Variants in AJAP1 observed in about 807,000 individuals in gnomAD.
The protein encoded by AJAP1 is adherens junction-associated protein 1.
Under a neutral mutation model 35.0 loss-of-function variants are expected in AJAP1, and 5 were observed. That is an observed-to-expected ratio of 0.14 (90% confidence interval 0.07 to 0.30). The LOEUF is 0.30. AJAP1 is among the 10% of genes least tolerant of loss of function. The pLI, the probability that AJAP1 is intolerant of heterozygous loss-of-function variation, is 1.00. For missense variants in AJAP1, 586 were observed against 571.0 expected (o/e 1.03, Z -0.27); for synonymous variants, 284 against 249.3 (o/e 1.14, Z -1.31).
chr1:4,688,593 T>C (rs867295783), intron 1 of AJAP1, among the ~76,000 whole-genome samples: 7 of 151,792 alleles, frequency 4.6e-5, no homozygotes, highest in African/African-American at 1.5e-4. Context: ...GCCAATATGG[T>C]GAAACCCCAT....
At chr1:4,735,620 G>A in intron 2 of AJAP1, among the ~76,000 whole-genome samples, 1 of 152,152 alleles carries the variant, frequency 6.6e-6, no homozygotes, top group East Asian at 1.9e-4. Flanking sequence ...CTCCTCCCAG[G>A]CTGCCTGCTG....
chr1:4,757,657 C>T (rs16838479), intron 2 of AJAP1, among the ~76,000 whole-genome samples: 4,375 of 152,250 alleles, frequency 0.029, 157 homozygotes, highest in East Asian at 0.17. Context: ...GGTGCACTTG[C>T]ATGAGTATTT....
intron 1 of AJAP1, among the ~76,000 whole-genome samples, chr1:4,707,424 C>T (rs2100257036): frequency 6.6e-6 from 1 of 152,252 alleles, no homozygotes; most frequent in Non-Finnish European, 1.5e-5. Flanking sequence ...CCCATTACCC[C>T]TTCCCCAAGC....
At chr1:4,737,771 A>G (rs1640963343) in intron 2 of AJAP1, among the ~76,000 whole-genome samples, 1 of 152,308 alleles carries the variant, frequency 6.6e-6, no homozygotes, top group East Asian at 1.9e-4. Flanking sequence ...GTAGTGGTGC[A>G]TGCACCTGTG....
At chr1:4,726,767 A>G (rs1640670640) in intron 2 of AJAP1, among the ~76,000 whole-genome samples, 1 of 152,120 alleles carries the variant, frequency 6.6e-6, no homozygotes, top group African/African-American at 2.4e-5. Flanking sequence ...GAGAAACTGC[A>G]GCCGAGAGCC....
At position 4,783,469 on chromosome 1, in the gene AJAP1, GTGTATATATATATATATA is replaced by G. The variant is rs1379011921; in HGVS notation, c.*986_*1003del. 4.3e-4 allele frequency: 48 copies of G among 111,468 alleles called. 1 individual carries two copies. The highest frequency in any genetic ancestry group is 7.4e-4 in the African/African-American group (21 of 28,366). The allele number at this position is 111,468 out of a possible 1,614,324, so 6.9% of individuals were successfully genotyped here. ...GAATGCCAAGGTTTTATATATGTGT[GTGTATATATATATATATA>G]TATATATATATATATATATATATGT... On this transcript the variant is annotated 3_prime_UTR_variant, in exon 6 of 6. Coordinates refer to ENST00000378191, the MANE Select transcript of AJAP1 (RefSeq NM_018836.4).
chr1:4,766,143 A>G (rs1641679154), intron 2 of AJAP1, among the ~76,000 whole-genome samples: 1 of 152,234 alleles, frequency 6.6e-6, no homozygotes, highest in Admixed American at 6.5e-5. Context: ...AAACATGGCC[A>G]CTGCCTGTTT....
intron 1 of AJAP1, among the ~76,000 whole-genome samples, chr1:4,672,937 G>A (rs1639280087): frequency 6.6e-6 from 1 of 152,200 alleles, no homozygotes; most frequent in African/African-American, 2.4e-5. Context: ...GAGGGTGAGG[G>A]TGGTGGCCTG....
chr1:4,746,732 G>C (rs1225494089), intron 2 of AJAP1, among the ~76,000 whole-genome samples: 1 of 152,224 alleles, frequency 6.6e-6, no homozygotes, highest in Non-Finnish European at 1.5e-5. Context: ...CAGCCTCTGG[G>C]GTGACAGAGG....
At chr1:4,713,463 GTTTT>G (rs1029222197) in intron 2 of AJAP1, among the ~76,000 whole-genome samples, 1 of 152,210 alleles carries the variant, frequency 6.6e-6, no homozygotes, top group Non-Finnish European at 1.5e-5. Context: ...CAGTTTTGTT[GTTTT>G]TTATTTTCCT....
At chr1:4,756,043 T>C (rs556335880) in intron 2 of AJAP1, among the ~76,000 whole-genome samples, 4 of 152,096 alleles carry the variant, frequency 2.6e-5, no homozygotes, top group Admixed American at 6.5e-5. Flanking sequence ...CATAGACTTA[T>C]GCTTAGCATA....
chr1:4,668,346 G>A (rs6703380), intron 1 of AJAP1, among the ~76,000 whole-genome samples: 30,637 of 151,306 alleles, frequency 0.2, 3,365 homozygotes, highest in Admixed American at 0.25. Flanking sequence ...GCGTGTGCGT[G>A]TGTGTGTGTG....
chr1:4,662,787 G>A (rs529263655), intron 1 of AJAP1, among the ~76,000 whole-genome samples: 5 of 152,358 alleles, frequency 3.3e-5, no homozygotes, highest in Admixed American at 6.5e-5. Context: ...CATTCAATAA[G>A]CATTTATTGA....
intron 5 of AJAP1, among the ~76,000 whole-genome samples, chr1:4,778,442 T>C (rs950429540): frequency 2.0e-5 from 3 of 152,184 alleles, no homozygotes; most frequent in Non-Finnish European, 4.4e-5. Flanking sequence ...TGGCAGAGCA[T>C]GGACAACATG....
chr1:4,682,841 GTGA>G (rs1466727195), intron 1 of AJAP1, among the ~76,000 whole-genome samples: 3 of 152,106 alleles, frequency 2.0e-5, no homozygotes, highest in South Asian at 2.1e-4. Flanking sequence ...GTTGGTGATG[GTGA>G]TGATGGTGAT....
intron 2 of AJAP1, among the ~76,000 whole-genome samples, chr1:4,716,017 G>C (rs1640381181): frequency 6.6e-6 from 1 of 152,234 alleles, no homozygotes; most frequent in Non-Finnish European, 1.5e-5. Flanking sequence ...TATCACACTT[G>C]GGGATTTATA....
chr1:4,670,849 G>A (rs1438912135), intron 1 of AJAP1, among the ~76,000 whole-genome samples: 2 of 152,246 alleles, frequency 1.3e-5, no homozygotes, highest in Non-Finnish European at 2.9e-5. Flanking sequence ...AGGGAACAGA[G>A]CAAATGACAA....
chr1:4,691,954 C>T (rs1639749567), intron 1 of AJAP1, among the ~76,000 whole-genome samples: 1 of 152,074 alleles, frequency 6.6e-6, no homozygotes, highest in Non-Finnish European at 1.5e-5. Context: ...GTCTCCAGGG[C>T]TCAGAAGAGG....
At chr1:4,765,321 C>G (rs1020366090) in intron 2 of AJAP1, among the ~76,000 whole-genome samples, 5 of 152,192 alleles carry the variant, frequency 3.3e-5, no homozygotes, top group Admixed American at 3.3e-4. Flanking sequence ...ACATCATTGT[C>G]AATCTAGTCA....
Sources: gnomAD v4.1 joint callset for allele counts (sites outside exome capture counted in the v4.1 genomes callset) on GRCh38, gnomAD v4.1.1 for gene constraint, MANE v1.5 for transcripts, NCBI Gene and HGNC (gene_info 2026-07-23, HGNC 2026-07-21) for gene names.